PRSS23: variants seen among roughly 807,000 people sequenced by gnomAD.
PRSS23 encodes the protein serine protease 23.
A neutral mutation model predicts 34.7 loss-of-function variants in PRSS23; 25 were observed. The observed-to-expected ratio is 0.72, with a 90% CI of 0.53 to 1.01. PRSS23 has a LOEUF of 1.01. Ranked by LOEUF, PRSS23 falls within the 50% of genes least tolerant of loss-of-function variation. PRSS23 has a pLI of 0.00. For missense variants in PRSS23, 445 were observed against 475.6 expected, an observed-to-expected ratio of 0.94 and a Z score of 0.60; for synonymous variants, 176 against 186.6, an observed-to-expected ratio of 0.94 and a Z score of 0.46.
chr11:86,928,736 TTA>T (rs1204041586), intron 2 of PRSS23, among the ~76,000 whole-genome samples: 4 of 127,416 alleles, frequency 3.1e-5, no homozygotes, highest in East Asian at 4.5e-4. Context: ...ATATAATACA[TTA>T]TGTTATATAT....
intron 2 of PRSS23, among the ~76,000 whole-genome samples, chr11:86,926,586 C>G (rs1266472212): frequency 2.0e-5 from 3 of 152,162 alleles, no homozygotes; most frequent in Non-Finnish European, 4.4e-5. Flanking sequence ...ACTGGGAAGT[C>G]AGAACACTGA....
chr11:86,862,225 T>A (rs1437210574), intron 2 of PRSS23, among the ~76,000 whole-genome samples: 2 of 151,924 alleles, frequency 1.3e-5, no homozygotes, highest in East Asian at 1.9e-4. Context: ...TACTCCTAAT[T>A]TCACAGTGGG....
chr11:86,835,862 G>A (rs904762664), intron 2 of PRSS23, among the ~76,000 whole-genome samples: 2 of 152,178 alleles, frequency 1.3e-5, no homozygotes, highest in Non-Finnish European at 2.9e-5. Context: ...GCAGCTAAAA[G>A]TAAATCATCC....
chr11:86,896,716 C>CAAGGATTGAG (rs1948879222), intron 2 of PRSS23, among the ~76,000 whole-genome samples: 3 of 152,230 alleles, frequency 2.0e-5, no homozygotes, highest in Non-Finnish European at 2.9e-5. Flanking sequence ...TAATCTTACA[C>CAAGGATTGAG]AAGGATTGAG....
chr11:86,868,581 C>T (rs894521882), intron 2 of PRSS23, among the ~76,000 whole-genome samples: 1 of 152,064 alleles, frequency 6.6e-6, no homozygotes, highest in Non-Finnish European at 1.5e-5. Context: ...TCCCTTTGAC[C>T]CTGTGTAGCC....
chr11:86,879,103 C>T (rs1348586838), intron 2 of PRSS23, among the ~76,000 whole-genome samples: 6 of 120,964 alleles, frequency 5.0e-5, no homozygotes, highest in East Asian at 2.7e-4. Flanking sequence ...GTGAGGAGCA[C>T]CTCTTCCCGG....
intron 2 of PRSS23, among the ~76,000 whole-genome samples, chr11:86,930,306 T>G (rs887295374): frequency 6.6e-6 from 1 of 152,096 alleles, no homozygotes. Flanking sequence ...TATTCAAAAA[T>G]TGAAATAAAT....
intron 2 of PRSS23, among the ~76,000 whole-genome samples, chr11:86,927,485 G>C (rs1949089391): frequency 6.6e-6 from 1 of 152,262 alleles, no homozygotes; most frequent in African/African-American, 2.4e-5. Context: ...GCAGAGCTAA[G>C]ATTTTACCTT....
chr11:86,798,480 T>A (rs111452201), upstream of PRSS23, among the ~76,000 whole-genome samples: 186 of 152,168 alleles, frequency 1.2e-3, 4 homozygotes, highest in Middle Eastern at 0.01. Context: ...GAGAATTGAG[T>A]CTGCATTGGG....
chr11:86,832,886 C>A, intron 2 of PRSS23: 1 of 326,650 alleles, frequency 3.1e-6, no homozygotes, highest in Non-Finnish European at 6.0e-6. Flanking sequence ...GAAGGTGTCA[C>A]AACACGCAAG....
chr11:86,879,504 A>G (rs867412592), intron 2 of PRSS23, among the ~76,000 whole-genome samples: 1,013 of 64,092 alleles, frequency 0.016, 3 homozygotes, highest in South Asian at 0.053. Flanking sequence ...AGGTGGGGGG[A>G]TCAGCCCCCC....
chr11:86,876,058 GCCT>G (rs1948722179), intron 2 of PRSS23, among the ~76,000 whole-genome samples: 1 of 152,134 alleles, frequency 6.6e-6, no homozygotes, highest in Non-Finnish European at 1.5e-5. Context: ...AAGTCACTCT[GCCT>G]TTCTGAGACT....
rs545397340 is a variant in PRSS23 at position 86,827,248 on chromosome 11, C to G, written c.206+3655C>G. ...AGGGTGTATGCATCGAGGAATTTAT[C>G]CATTTCTTCCAGATTTTCTAGTTTA... On this transcript the variant is annotated intron_variant, in intron 2 of 2. Coordinates refer to the PRSS23 transcript ENST00000533902. Among the ~76,000 whole-genome samples the G allele has an allele frequency of 2.0e-5, 3 of 152,168 alleles. No individual in the cohort carries two copies. In the South Asian group the frequency reaches 6.2e-4, roughly 32 times the overall value.
At chr11:86,924,276 A>G (rs1317618950) in intron 2 of PRSS23, among the ~76,000 whole-genome samples, 1 of 152,278 alleles carries the variant, frequency 6.6e-6, no homozygotes, top group Non-Finnish European at 1.5e-5. Flanking sequence ...TTCCTCTCCC[A>G]GAGACTGGGA....
At chr11:86,853,242 CTTTTT>C (rs561682096) in intron 2 of PRSS23, among the ~76,000 whole-genome samples, 73 of 47,734 alleles carry the variant, frequency 1.5e-3, no homozygotes, top group African/African-American at 6.1e-3. Flanking sequence ...AAGTGCCTGC[CTTTTT>C]TTTTTTTTTT....
chr11:86,912,913 T>A (rs1250323573), intron 2 of PRSS23, among the ~76,000 whole-genome samples: 1 of 152,200 alleles, frequency 6.6e-6, no homozygotes, highest in Non-Finnish European at 1.5e-5. Context: ...AGTGTTATTT[T>A]TATTTGTTTG....
intron 2 of PRSS23, among the ~76,000 whole-genome samples, chr11:86,919,051 C>T (rs1949031595): frequency 6.6e-6 from 1 of 152,140 alleles, no homozygotes; most frequent in South Asian, 2.1e-4. Context: ...ATGACTCCTC[C>T]ACTGCCTCGC....
Position 86,808,278 on chromosome 11 carries a change from C to T in PRSS23, c.635C>T (p.Ala212Val). The T allele has an allele frequency of 1.2e-6, 2 of 1,614,076 alleles. No individual in the cohort carries two copies. Among genetic ancestry groups the T allele is most frequent in the Non-Finnish European group, 1.7e-6 (2 of 1,180,056 alleles). ...GGRGANDSTS[A>V]MPEQMKFQWI... ...CGAGGGGCCAACGACTCCACTTCAG[C>T]CATGCCCGAGCAGATGAAATTTCAG... is the stretch of plus-strand genomic sequence containing the variant. Residue 212 changes from alanine (A) to valine (V), a missense_variant, in exon 2 of 2, where the codon GCC becomes GTC. Coordinates refer to ENST00000280258, the MANE Select transcript of PRSS23 (RefSeq NM_007173.6).
chr11:86,852,956 C>G (rs1489744850), intron 2 of PRSS23, among the ~76,000 whole-genome samples: 1 of 152,100 alleles, frequency 6.6e-6, no homozygotes, highest in African/African-American at 2.4e-5. Context: ...TGGGTTCAAG[C>G]GATTCTTGTG....
Sources: allele counts gnomAD v4.1 joint callset (sites outside exome capture counted in the v4.1 genomes callset), GRCh38; gene constraint gnomAD v4.1.1; transcripts MANE v1.5; gene names NCBI Gene and HGNC (gene_info 2026-07-23, HGNC 2026-07-21).